Variants in ZNF521 observed in about 807,000 individuals in gnomAD.
ZNF521 encodes the protein LYST-interacting protein 3.
Under a neutral mutation model 105.5 loss-of-function variants are expected in ZNF521, and 14 were observed. The ratio of observed to expected loss-of-function variants is 0.13; its 90% CI spans 0.09 to 0.21. ZNF521 has a LOEUF of 0.21. Among genes scored for constraint, ZNF521 ranks in the 10% least tolerant of loss-of-function variants. The pLI is 1.00. For missense variants in ZNF521, 1,233 were observed against 1,629.7 expected (o/e 0.76, Z 4.19); for synonymous variants, 635 against 606.0 (o/e 1.05, Z -0.70).
rs549025722 is a variant in ZNF521 at position 25,318,483 on chromosome 18, CA to C, written c.220+3524del. On this transcript the variant is annotated intron_variant, in intron 3 of 7. Coordinates refer to ENST00000361524, the MANE Select transcript of ZNF521 (RefSeq NM_015461.3). Reference sequence around the variant, plus strand: ...GTAAATGTGGCACTAAAAATTACAGCATTAACAATTATAAACAAATATTAAA... The same window carrying C: ...GTAAATGTGGCACTAAAAATTACAGCTTAACAATTATAAACAAATATTAAA... Among the ~76,000 whole-genome samples, 30 of 152,232 alleles carry C rather than the reference CA, an allele frequency of 2.0e-4. No individual in the cohort carries two copies. The South Asian group carries it at 6.2e-3, about 32-fold the overall frequency.
chr18:25,220,794 C>T (rs1211473277), intron 4 of ZNF521, among the ~76,000 whole-genome samples: 3 of 152,162 alleles, frequency 2.0e-5, no homozygotes, highest in East Asian at 1.9e-4. Flanking sequence ...CAGAAGAATA[C>T]GTGTTTCCAA....
rs146100386 is a variant in ZNF521 at position 25,107,672 on chromosome 18, G to A, written c.3659-15591C>T. The stretch of plus-strand genomic sequence containing the variant: ...AGGCTTTCAAAGAAGTATGCAGACT[G>A]CGGTAATAATTCAGAGGGAACTGAT... On this transcript the variant is annotated intron_variant, in intron 5 of 7. Coordinates refer to ENST00000361524, the MANE Select transcript of ZNF521 (RefSeq NM_015461.3). Among the ~76,000 whole-genome samples, 846 of 152,294 alleles carry A rather than the reference G, an allele frequency of 5.6e-3. 24 individuals are homozygous for A. The highest frequency in any genetic ancestry group is 0.051 in the Admixed American group (781 of 15,294).
chr18:25,280,944 C>T (rs770892358), intron 3 of ZNF521, among the ~76,000 whole-genome samples: 5 of 152,192 alleles, frequency 3.3e-5, no homozygotes, highest in Non-Finnish European at 7.3e-5. Context: ...CTCTCTCTCT[C>T]ACCCAAATCC....
At chr18:25,223,564 T>C (rs1036671510) in intron 4 of ZNF521, among the ~76,000 whole-genome samples, 3 of 152,052 alleles carry the variant, frequency 2.0e-5, no homozygotes, top group African/African-American at 4.8e-5. Context: ...TAAAGAAATA[T>C]TAAAATGAGC....
At chr18:25,197,078 G>A (rs1397284564) in intron 4 of ZNF521, among the ~76,000 whole-genome samples, 1 of 151,726 alleles carries the variant, frequency 6.6e-6, no homozygotes, top group South Asian at 2.1e-4. Context: ...ATAATAAAAT[G>A]CCAGCACTTA....
At chr18:25,107,204 A>G (rs545792892) in intron 5 of ZNF521, among the ~76,000 whole-genome samples, 1 of 152,364 alleles carries the variant, frequency 6.6e-6, no homozygotes, top group South Asian at 2.1e-4. Flanking sequence ...TGTAGAAGTG[A>G]GACTCAATCA....
intron 5 of ZNF521, among the ~76,000 whole-genome samples, chr18:25,127,525 A>G (rs2034559923): frequency 6.6e-6 from 1 of 152,082 alleles, no homozygotes; most frequent in Non-Finnish European, 1.5e-5. Context: ...AATTTATGCA[A>G]CTTGCCTAAT....
chr18:25,077,821 C>G (rs941351399), intron 7 of ZNF521, among the ~76,000 whole-genome samples: 4 of 151,868 alleles, frequency 2.6e-5, no homozygotes, highest in Non-Finnish European at 4.4e-5. Context: ...AAGAGGAAGA[C>G]AACGAAGAAG....
intron 3 of ZNF521, among the ~76,000 whole-genome samples, chr18:25,260,096 A>G (rs1908804719): frequency 6.6e-6 from 1 of 152,194 alleles, no homozygotes; most frequent in African/African-American, 2.4e-5. Context: ...AAACACTGAG[A>G]GCTTTTGAGC....
At chr18:25,092,943 T>A (rs2033777355) in intron 5 of ZNF521, among the ~76,000 whole-genome samples, 1 of 152,186 alleles carries the variant, frequency 6.6e-6, no homozygotes, top group Non-Finnish European at 1.5e-5. Context: ...TTATCCTAAC[T>A]TATTTCATTG....
At position 25,349,684 on chromosome 18, in the gene ZNF521, GGCCACGGGGC is replaced by G. The variant is rs1423628756; in HGVS notation, c.40+1213_40+1222del. 4.6e-5 allele frequency among the ~76,000 whole-genome samples: 7 copies of G among 151,838 alleles called. No individual in the cohort carries two copies. In the South Asian group the frequency reaches 8.3e-4, roughly 18 times the overall value. On this transcript the variant is annotated intron_variant, in intron 2 of 7. Coordinates refer to ENST00000361524, the MANE Select transcript of ZNF521 (RefSeq NM_015461.3). The stretch of plus-strand genomic sequence containing the variant: ...GTCGGGAAGCTGGTGCGGGAACCGG[GGCCACGGGGC>G]GCCGCGGCCCGGCAGCCAGGAGGAA...
At chr18:25,247,753 G>C (rs564383779) in intron 3 of ZNF521, among the ~76,000 whole-genome samples, 3 of 152,138 alleles carry the variant, frequency 2.0e-5, no homozygotes, top group Non-Finnish European at 2.9e-5. Context: ...GAGCCCTTTG[G>C]AGTAGGAGGG....
At chr18:25,140,964 A>G (rs1236533420) in intron 5 of ZNF521, among the ~76,000 whole-genome samples, 1 of 152,174 alleles carries the variant, frequency 6.6e-6, no homozygotes, top group East Asian at 1.9e-4. Context: ...ACAGATATTT[A>G]CCCAACAAGA....
At chr18:25,238,523 C>T (rs928298238) in intron 3 of ZNF521, among the ~76,000 whole-genome samples, 1 of 152,158 alleles carries the variant, frequency 6.6e-6, no homozygotes, top group African/African-American at 2.4e-5. Context: ...ATGGTCGGAT[C>T]AGGTATTGAC....
chr18:25,104,248 T>C (rs915081032), intron 5 of ZNF521, among the ~76,000 whole-genome samples: 2 of 152,184 alleles, frequency 1.3e-5, no homozygotes, highest in African/African-American at 4.8e-5. Flanking sequence ...GTATACTATG[T>C]CAATATAAAG....
intron 5 of ZNF521, among the ~76,000 whole-genome samples, chr18:25,194,944 T>C (rs1356999594): frequency 6.6e-6 from 1 of 151,638 alleles, no homozygotes; most frequent in East Asian, 1.9e-4. Flanking sequence ...TGGCAGTAGA[T>C]ATATAATCCT....
intron 3 of ZNF521, among the ~76,000 whole-genome samples, chr18:25,235,396 G>C (rs1215305771): frequency 6.6e-6 from 1 of 152,136 alleles, no homozygotes; most frequent in Non-Finnish European, 1.5e-5. Flanking sequence ...AGGTAAAGGG[G>C]ATTCTTCCAC....
intron 5 of ZNF521, among the ~76,000 whole-genome samples, chr18:25,129,246 G>A (rs924175218): frequency 7.8e-6 from 1 of 127,422 alleles, no homozygotes; most frequent in East Asian, 2.2e-4. Flanking sequence ...CTTTCACACG[G>A]AATAATAATA....
At chr18:25,067,980 TCAAA>T (rs1296293138) in intron 7 of ZNF521, among the ~76,000 whole-genome samples, 2 of 152,142 alleles carry the variant, frequency 1.3e-5, no homozygotes, top group African/African-American at 2.4e-5. Flanking sequence ...GCCTTTTGTT[TCAAA>T]CAAATTCTGA....
Sources: gnomAD v4.1 joint callset for allele counts (sites outside exome capture counted in the v4.1 genomes callset) on GRCh38, gnomAD v4.1.1 for gene constraint, MANE v1.5 for transcripts, NCBI Gene and HGNC (gene_info 2026-07-23, HGNC 2026-07-21) for gene names.